Variants in PTGFR observed in about 807,000 individuals in gnomAD.
PTGFR encodes the protein prostaglandin F2-alpha receptor.
PTGFR carries 15 observed loss-of-function variants against 26.2 expected under a neutral mutation model. That is an observed-to-expected ratio of 0.57 (90% confidence interval 0.38 to 0.88). PTGFR has a LOEUF of 0.88. PTGFR is among the 40% of genes least tolerant of loss of function. The pLI is 0.00. For synonymous variants in PTGFR, 165 were observed against 151.1 expected (o/e 1.09, Z -0.68); for missense variants, 369 against 427.2 (o/e 0.86, Z 1.20).
At chr1:78,505,349 C>T (rs1301670010) in intron 2 of PTGFR, among the ~76,000 whole-genome samples, 1 of 152,056 alleles carries the variant, frequency 6.6e-6, no homozygotes, top group Non-Finnish European at 1.5e-5. Flanking sequence ...TCTCAAACTC[C>T]TGACCTCAGG....
intron 2 of PTGFR, among the ~76,000 whole-genome samples, chr1:78,511,523 C>T (rs1649970356): frequency 1.3e-5 from 2 of 151,900 alleles, no homozygotes; most frequent in Admixed American, 1.3e-4. Flanking sequence ...CTGCACATGG[C>T]AGTGAGGCCC....
intron 2 of PTGFR, among the ~76,000 whole-genome samples, chr1:78,515,333 A>C (rs1159162667): frequency 6.6e-6 from 1 of 152,190 alleles, no homozygotes; most frequent in African/African-American, 2.4e-5. Flanking sequence ...TCATGACTTT[A>C]AGAACAGGTA....
At chr1:78,509,566 T>C (rs1277187226) in intron 2 of PTGFR, among the ~76,000 whole-genome samples, 3 of 152,238 alleles carry the variant, frequency 2.0e-5, no homozygotes, top group African/African-American at 7.2e-5. Context: ...CTTGTATTCA[T>C]TGTGGTGAAA....
Position 78,493,048 on chromosome 1 carries a change from A to C in PTGFR, c.305A>C (p.Asp102Ala). The change falls in exon 2 of 3, where the codon GAC becomes GCC. Residue 102 changes from aspartate (D) to alanine (A), a missense_variant. Coordinates refer to ENST00000370757, the MANE Select transcript of PTGFR (RefSeq NM_000959.4). ...TCTGATAAAGAATGGATCCGCTTTG[A>C]CCAATCAAATGTCCTTTGCAGTATT... ...YASDKEWIRF[D>A]QSNVLCSIFG... is the part of the protein sequence containing the mutation. The C allele has an allele frequency of 6.2e-7, 1 of 1,614,184 alleles. No homozygotes were observed.
At chr1:78,505,587 A>T (rs1344552912) in intron 2 of PTGFR, among the ~76,000 whole-genome samples, 1 of 152,194 alleles carries the variant, frequency 6.6e-6, no homozygotes, top group Non-Finnish European at 1.5e-5. Flanking sequence ...AAAGTGTACA[A>T]TTCCTGACAC....
chr1:78,512,915 TG>T (rs1192134627), intron 2 of PTGFR, among the ~76,000 whole-genome samples: 37 of 152,286 alleles, frequency 2.4e-4, no homozygotes, highest in Admixed American at 2.1e-3. Flanking sequence ...GCTTTTGCCA[TG>T]TGAAATGCCT....
At chr1:78,506,365 T>G (rs1649828131) in intron 2 of PTGFR, among the ~76,000 whole-genome samples, 1 of 152,050 alleles carries the variant, frequency 6.6e-6, no homozygotes, top group Admixed American at 6.5e-5. Flanking sequence ...TATTTTTGTG[T>G]TTAAAAAAGT....
In PTGFR at chr1:78,491,160, C is replaced by G. The variant is rs1346850751; in HGVS notation, c.-149C>G. 6.6e-6 allele frequency: 1 copy of G among 152,402 alleles called. No homozygotes were observed. The highest frequency in any genetic ancestry group is 2.4e-5 in the African/African-American group (1 of 41,466). 9.4% of individuals were successfully genotyped at this position (152,402 alleles called of 1,614,324 possible). A position where few individuals can be genotyped will look rare whatever the true frequency, so the allele number is the denominator to read the frequency against. On this transcript the variant is annotated 5_prime_UTR_variant, in exon 1 of 3. Coordinates refer to ENST00000370757, the MANE Select transcript of PTGFR (RefSeq NM_000959.4). ...TCGGTGGAACTTGAGGCAGCGGCGG[C>G]GCGGGGCGCCATGGCACACCGAGCG... is the stretch of plus-strand genomic sequence containing the variant.
intron 2 of PTGFR, among the ~76,000 whole-genome samples, chr1:78,510,201 G>C (rs1649931364): frequency 6.6e-6 from 1 of 152,146 alleles, no homozygotes; most frequent in South Asian, 2.1e-4. Flanking sequence ...AAAATACTAA[G>C]CGTGGAGGAT....
In PTGFR at chr1:78,527,486, T is replaced by C. The variant is rs536977653; in HGVS notation, c.799-8920T>C. On this transcript the variant is annotated intron_variant, in intron 2 of 2. Coordinates refer to ENST00000370757, the MANE Select transcript of PTGFR (RefSeq NM_000959.4). ...TGATTAATGAAGTATAAAAATGTAA[T>C]TGTAATTATATCACCTAAATTATGC... Among the ~76,000 whole-genome samples the C allele has an allele frequency of 1.4e-4, 21 of 152,236 alleles. No individual in the cohort carries two copies. In the South Asian group the frequency reaches 4.3e-3, roughly 32 times the overall value.
intron 2 of PTGFR, among the ~76,000 whole-genome samples, chr1:78,497,473 A>G (rs1649581706): frequency 6.6e-6 from 1 of 152,202 alleles, no homozygotes; most frequent in Non-Finnish European, 1.5e-5. Flanking sequence ...TCTATTGTGA[A>G]GGAGAAAAAA....
intron 2 of PTGFR, among the ~76,000 whole-genome samples, chr1:78,534,559 C>T (rs1374650382): frequency 6.6e-6 from 1 of 152,072 alleles, no homozygotes; most frequent in Non-Finnish European, 1.5e-5. Flanking sequence ...AATGCATGAT[C>T]GATCTAAAAA....
At chr1:78,514,984 A>G (rs1452009880) in intron 2 of PTGFR, among the ~76,000 whole-genome samples, 2 of 152,060 alleles carry the variant, frequency 1.3e-5, no homozygotes, top group Non-Finnish European at 2.9e-5. Flanking sequence ...TGCTTCCTGT[A>G]CAGCCTGCAA....
At chr1:78,514,822 T>C (rs946743713) in intron 2 of PTGFR, among the ~76,000 whole-genome samples, 1 of 152,106 alleles carries the variant, frequency 6.6e-6, no homozygotes, top group African/African-American at 2.4e-5. Context: ...TCTCACTCAG[T>C]TCATAAGATA....
chr1:78,528,596 C>A (rs902897522), intron 2 of PTGFR, among the ~76,000 whole-genome samples: 1 of 152,048 alleles, frequency 6.6e-6, no homozygotes, highest in African/African-American at 2.4e-5. Flanking sequence ...TGCATTTGGT[C>A]TGTAGGTTTA....
At chr1:78,500,875 AATGT>A (rs1402754236) in intron 2 of PTGFR, among the ~76,000 whole-genome samples, 4 of 152,242 alleles carry the variant, frequency 2.6e-5, no homozygotes, top group Non-Finnish European at 5.9e-5. Flanking sequence ...AAAATTGGCA[AATGT>A]CAATCCATTT....
chr1:78,516,728 A>T (rs1650097461), intron 2 of PTGFR, among the ~76,000 whole-genome samples: 1 of 152,218 alleles, frequency 6.6e-6, no homozygotes, highest in African/African-American at 2.4e-5. Flanking sequence ...AGTACTAAAA[A>T]TAACCTAGAT....
At chr1:78,528,587 G>A (rs1258334137) in intron 2 of PTGFR, among the ~76,000 whole-genome samples, 1 of 151,978 alleles carries the variant, frequency 6.6e-6, no homozygotes, top group Non-Finnish European at 1.5e-5. Flanking sequence ...TAGTATCTTT[G>A]CATTTGGTCT....
intron 2 of PTGFR, among the ~76,000 whole-genome samples, chr1:78,509,582 G>A (rs1005475883): frequency 6.6e-6 from 1 of 152,166 alleles, no homozygotes; most frequent in Non-Finnish European, 1.5e-5. Flanking sequence ...TGAAAAGATA[G>A]TTTCCGATAC....
Sources: gnomAD v4.1 joint callset for allele counts (sites outside exome capture counted in the v4.1 genomes callset) on GRCh38, gnomAD v4.1.1 for gene constraint, MANE v1.5 for transcripts, NCBI Gene and HGNC (gene_info 2026-07-23, HGNC 2026-07-21) for gene names.